The following KLK3 variants were observed in gnomAD, a reference collection of about 807,000 sequenced individuals.
The protein encoded by KLK3 is prostate-specific antigen.
A neutral mutation model predicts 27.7 loss-of-function variants in KLK3; 23 were observed. The ratio of observed to expected loss-of-function variants is 0.83; its 90% confidence interval spans 0.60 to 1.17. The LOEUF is 1.17. KLK3 is among the 50% of genes most tolerant of loss of function. The pLI is 0.00. For synonymous variants in KLK3, 142 were observed against 134.2 expected, an observed-to-expected ratio of 1.06 and a Z score of -0.40; for missense variants, 322 against 338.1, an observed-to-expected ratio of 0.95 and a Z score of 0.37.
In KLK3 at chr19:50,858,484, T is replaced by G. The variant is rs896061598; in HGVS notation, c.519T>G (p.Cys173Trp). ...EEFLTPKKLQCVDLHVISNDV... is the reference protein window; with the variant it reads ...EEFLTPKKLQWVDLHVISNDV... Reference sequence around the variant, plus strand: ...TCTTGACCCCAAAGAAACTTCAGTGTGTGGACCTCCATGTTATTTCCAATG... The same window carrying G: ...TCTTGACCCCAAAGAAACTTCAGTGGGTGGACCTCCATGTTATTTCCAATG... Residue 173 changes from cysteine to tryptophan, a missense_variant, in exon 4 of 5, where the codon TGT (cysteine) becomes TGG (tryptophan). Physicochemically the swap from Cys to Trp is radical, Grantham distance 215. Transcript: ENST00000326003. The G allele has an allele frequency of 2.5e-6, 4 of 1,614,078 alleles. No homozygotes were observed. In the African/African-American group the frequency reaches 4.0e-5, roughly 16 times the overall value.
chr19:50,856,479 C>T, intron 2 of KLK3, 80 bp downstream of exon 2: 1 of 1,521,910 alleles, frequency 6.6e-7, no homozygotes, highest in Non-Finnish European at 8.9e-7. Context: ...CCAGGATAAC[C>T]TCTAAGGCCA....
chr19:50,856,041 G>T, intron 1 of KLK3, 199 bp from the exon 2 acceptor site: 1 of 572,524 alleles, frequency 1.7e-6, no homozygotes, highest in Non-Finnish European at 3.1e-6. Context: ...ACCAGCACCA[G>T]CCACCAACCT....
chr19:50,857,831 C>T, intron 2 of KLK3, 198 bp from the exon 3 acceptor site: 1 of 574,828 alleles, frequency 1.7e-6, no homozygotes, highest in Non-Finnish European at 3.0e-6. Flanking sequence ...CTCTCAGTTT[C>T]TGTATCTGCC....
intron 4 of KLK3, chr19:50,858,983 G>T: frequency 2.8e-6 from 1 of 360,178 alleles, no homozygotes. Context: ...GTCAGGAGGT[G>T]ATCAGGCTCT....
chr19:50,858,556 G>T lies in KLK3; in HGVS notation c.591G>T (p.Leu197=). The change falls in exon 4 of 5, where the codon CTG becomes CTT. Residue 197 remains leucine (L), a synonymous_variant. Transcript: ENST00000326003. ...VHPQKVTKFM[L]CAGRWTGGKS... ...CTCAGAAGGTGACCAAGTTCATGCT[G>T]TGTGCTGGACGCTGGACAGGGGGCA... 1 of 1,614,218 alleles carries T rather than the reference G, an allele frequency of 6.2e-7. No homozygotes were observed.
rs1381480766 is a variant in KLK3, at chr19:50,856,651, T to C, written c.206+252T>C. 5 of 478,982 alleles carry C rather than the reference T, an allele frequency of 1.0e-5. No homozygotes were observed. The Admixed American group carries it at 1.9e-4, about 18-fold the overall frequency. 29.7% of individuals were successfully genotyped at this position (478,982 alleles called of 1,614,324 possible). A position where few individuals can be genotyped will look rare whatever the true frequency, so the allele number is the denominator to read the frequency against. ...ATGTCTCTTGGTAACTGGCTTCGGT[T>C]GTGTCTCTCCGTGTGACTATTTTGT... On this transcript the variant is annotated intron_variant, in intron 2 of 4. Coordinates refer to ENST00000326003, the MANE Select transcript of KLK3 (RefSeq NM_001648.2).
At position 50,860,339 on chromosome 19, in the gene KLK3, C is replaced by T. The variant is rs1419767084; in HGVS notation, c.*212C>T. The stretch of plus-strand genomic sequence containing the variant: ...GTGTCCTGGGGAATACTGGCCATGC[C>T]TGGAGACATATCACTCAATTTCTCT... On this transcript the variant is annotated 3_prime_UTR_variant, in exon 5 of 5. Coordinates refer to ENST00000326003, the MANE Select transcript of KLK3 (RefSeq NM_001648.2). 6.4e-6 allele frequency: 3 copies of T among 471,152 alleles called. No homozygotes were observed. The East Asian group carries it at 1.0e-4, about 16-fold the overall frequency. 29.2% of individuals were successfully genotyped at this position (471,152 alleles called of 1,614,324 possible).
Position 50,860,403 on chromosome 19 carries a change from G to T in KLK3, c.*276G>T. On this transcript the variant is annotated 3_prime_UTR_variant, in exon 5 of 5. Coordinates refer to ENST00000326003, the MANE Select transcript of KLK3 (RefSeq NM_001648.2). The stretch of plus-strand genomic sequence containing the variant: ...GGATGGGGTGTCTGTGTTATTTGTG[G>T]GGTACAGAGATGAAAGAGGGGTGGG... 3 of 334,168 alleles carry T rather than the reference G, an allele frequency of 9.0e-6. No individual in the cohort carries two copies. Among genetic ancestry groups the T allele is most frequent in the South Asian group, 6.4e-5 (1 of 15,652 alleles). 20.7% of individuals were successfully genotyped at this position (334,168 alleles called of 1,614,324 possible). A position where few individuals can be genotyped will look rare whatever the true frequency, so the allele number is the denominator to read the frequency against.
intron 4 of KLK3, 174 bp downstream of exon 4, chr19:50,858,769 G>C: frequency 1.5e-6 from 1 of 684,542 alleles, no homozygotes; most frequent in Non-Finnish European, 2.4e-6. Flanking sequence ...ACTCCCTCAA[G>C]GCAATAGGTT....
chr19:50,857,615 T>G (rs2090157804), intron 2 of KLK3: 2 of 168,884 alleles, frequency 1.2e-5, no homozygotes, highest in African/African-American at 4.8e-5. Flanking sequence ...TTTGACTTCC[T>G]GCTTCCCTTT....
Position 50,858,081 on chromosome 19 carries a change from G to C in KLK3, c.259G>C (p.Gly87Arg), listed in dbSNP as rs138565183. The change falls in exon 3 of 5, where the codon GGC becomes CGC. Residue 87 changes from glycine (G) to arginine (R), a missense_variant. Physicochemically the swap from Gly to Arg is moderately radical, Grantham distance 125. Transcript: ENST00000326003. ...CAGCCTGTTTCATCCTGAAGACACA[G>C]GCCAGGTATTTCAGGTCAGCCACAG... The part of the protein sequence containing the change: ...RHSLFHPEDT[G>R]QVFQVSHSFP... The C allele has an allele frequency of 1.7e-5, 28 of 1,613,920 alleles. No homozygotes were observed. In the African/African-American group the frequency reaches 3.6e-4, roughly 21 times the overall value.
chr19:50,856,010 C>G (rs2090144373), intron 1 of KLK3: 2 of 526,660 alleles, frequency 3.8e-6, no homozygotes, highest in Non-Finnish European at 3.4e-6. Flanking sequence ...CAACTCTGCT[C>G]CCAGAGCATG....
At chr19:50,858,358 G>T (rs925997091) in intron 3 of KLK3, 43 bp downstream of exon 3, 4 of 1,603,786 alleles carry the variant, frequency 2.5e-6, no homozygotes, top group South Asian at 1.1e-5. Flanking sequence ...CCAGATGCCT[G>T]GGTCTGAGGG....
At chr19:50,859,159 G>T (rs1337468370) in intron 4 of KLK3, among the ~76,000 whole-genome samples, 2 of 152,252 alleles carry the variant, frequency 1.3e-5, no homozygotes, top group Non-Finnish European at 2.9e-5. Context: ...AGGGCGTCAG[G>T]AGCAGAGAGG....
rs1011107664 is a variant in KLK3 at position 50,859,686 on chromosome 19, C to G, written c.631-286C>G. The G allele has an allele frequency of 1.9e-6, 3 of 1,591,700 alleles. No individual in the cohort carries two copies. The African/African-American group carries it at 4.0e-5, about 21-fold the overall frequency. On this transcript the variant is annotated intron_variant, in intron 4 of 4. Coordinates refer to ENST00000326003, the MANE Select transcript of KLK3 (RefSeq NM_001648.2). ...GACAGCATCCTGCAGATGGTCCTGG[C>G]CCTTGTCCCACCGACCTGTCTACAA...
rs1364288042 is a variant in KLK3, at chr19:50,860,422, G to A, written c.*295G>A. On this transcript the variant is annotated 3_prime_UTR_variant, in exon 5 of 5. Transcript: ENST00000326003. ...TTTGTGGGGTACAGAGATGAAAGAG[G>A]GGTGGGATCCACACTGAGAGAGTGG... The A allele has an allele frequency of 3.4e-5, 9 of 266,906 alleles. No homozygotes were observed. Among genetic ancestry groups the A allele is most frequent in the African/African-American group, 6.6e-5 (3 of 45,626 alleles). 16.5% of individuals were successfully genotyped at this position (266,906 alleles called of 1,614,324 possible). A position where few individuals can be genotyped will look rare whatever the true frequency, so the allele number is the denominator to read the frequency against.
Position 50,858,269 on chromosome 19 carries a change from G to A in KLK3, c.447G>A (p.Gly149=), listed in dbSNP as rs147547638. ...MDLPTQEPAL[G]TTCYASGWGS... ...TGCCCACCCAGGAGCCAGCACTGGG[G>A]ACCACCTGCTACGCCTCAGGCTGGG... is the stretch of plus-strand genomic sequence containing the variant. The change falls in exon 3 of 5, where the codon GGG becomes GGA. Residue 149 remains glycine, a synonymous_variant. Transcript: ENST00000326003. 1.9e-3 allele frequency: 3,029 copies of A among 1,614,142 alleles called. 7 individuals are homozygous for A. The highest frequency in any genetic ancestry group is 2.4e-3 in the Non-Finnish European group (2,813 of 1,180,028).
intron 2 of KLK3, chr19:50,857,827 G>T: frequency 1.8e-6 from 1 of 568,528 alleles, no homozygotes; most frequent in Non-Finnish European, 3.1e-6. Flanking sequence ...GTTTCTCTCA[G>T]TTTCTGTATC....
intron 4 of KLK3, chr19:50,859,659 G>A (rs776216918): frequency 1.2e-6 from 2 of 1,606,006 alleles, no homozygotes; most frequent in African/African-American, 2.7e-5. Context: ...AGGAGCCACG[G>A]GGACAGCATC....
Sources: allele counts gnomAD v4.1 joint callset (sites outside exome capture counted in the v4.1 genomes callset), GRCh38; gene constraint gnomAD v4.1.1; transcripts MANE v1.5; gene names NCBI Gene and HGNC (gene_info 2026-07-23, HGNC 2026-07-21).